Variants in DHX16 observed in about 807,000 individuals in gnomAD.
DHX16 encodes the protein pre-mRNA-splicing factor ATP-dependent RNA helicase DHX16.
Under a neutral mutation model 131.2 loss-of-function variants are expected in DHX16, and 81 were observed. The ratio of observed to expected loss-of-function variants is 0.62; its 90% CI spans 0.52 to 0.74. DHX16 has a LOEUF of 0.74. DHX16 is among the 30% of genes least tolerant of loss of function. The pLI is 0.00. For missense variants in DHX16, 980 were observed against 1,363.1 expected (o/e 0.72, Z 4.43); for synonymous variants, 440 against 520.2 (o/e 0.85, Z 2.10).
rs753436172 is a variant in DHX16 at position 30,655,286 on chromosome 6, C to G, written c.2712G>C (p.Gln904His). 2.3e-5 allele frequency: 37 copies of G among 1,614,222 alleles called. No individual in the cohort carries two copies. In the South Asian group the frequency reaches 4.1e-4, roughly 18 times the overall value. The change falls in exon 18 of 20, where the codon CAG (glutamine) becomes CAC (histidine). Residue 904 changes from glutamine to histidine, a missense_variant. Gln to His is a conservative substitution (Grantham distance 24). Coordinates refer to ENST00000376442, the MANE Select transcript of DHX16 (RefSeq NM_003587.5). ...SSQWCYENFV[Q>H]FRSMRRARDV... ...CCCGGGCTCGGCGCATCGATCTGAA[C>G]TGTACAAAGTTCTCATAGCACCACT...
At chr6:30,669,200 G>A (rs1173688299) in intron 4 of DHX16, among the ~76,000 whole-genome samples, 1 of 152,312 alleles carries the variant, frequency 6.6e-6, no homozygotes, top group South Asian at 2.1e-4. Context: ...AAGGCGGGCA[G>A]ATCACAAGGT....
intron 12 of DHX16, 22 bp from the exon 13 acceptor site, chr6:30,657,114 C>T (rs1481546547): frequency 6.3e-7 from 1 of 1,594,954 alleles, no homozygotes; most frequent in East Asian, 2.2e-5. Context: ...GATATGGGGT[C>T]ACCCAGTGAC....
In DHX16 at chr6:30,664,837, C is replaced by T; in HGVS notation, c.1281G>A (p.Gly427=). The change falls in exon 7 of 20, where the codon GGG becomes GGA. Residue 427 remains glycine (G), a synonymous_variant. Transcript: ENST00000376442. ...GATACTGCGGGATCTGGGTGGTCTT[C>T]CCTGAGCCTGTCTCGCCTTCAATGA... is the stretch of plus-strand genomic sequence containing the variant. ...VLIIEGETGS[G]KTTQIPQYLF... 6.2e-7 allele frequency: 1 copy of T among 1,613,010 alleles called. No homozygotes were observed. The highest frequency in any genetic ancestry group is 8.5e-7 in the Non-Finnish European group (1 of 1,180,020).
chr6:30,664,347 C>T (rs936129911), intron 7 of DHX16, among the ~76,000 whole-genome samples: 1 of 151,830 alleles, frequency 6.6e-6, no homozygotes, highest in Non-Finnish European at 1.5e-5. Context: ...TGTGGTGGCG[C>T]ATGCCTGTAA....
At chr6:30,672,512 T>A (rs1336354499) in intron 1 of DHX16, 123 bp downstream of exon 1, 1 of 891,172 alleles carries the variant, frequency 1.1e-6, no homozygotes. Flanking sequence ...GCTAGCACAG[T>A]ACCTACGCGA....
chr6:30,660,381 A>G, intron 9 of DHX16, 139 bp from the exon 10 acceptor site: 2 of 668,440 alleles, frequency 3.0e-6, no homozygotes. Flanking sequence ...TCTAAGGAGA[A>G]GTCAGCCATC....
chr6:30,655,631 C>T (rs535048173), intron 16 of DHX16, 34 bp from the exon 17 acceptor site: 1 of 1,610,866 alleles, frequency 6.2e-7, no homozygotes, highest in African/African-American at 1.3e-5. Flanking sequence ...GAGTTCAAAG[C>T]AAGACACATA....
intron 7 of DHX16, among the ~76,000 whole-genome samples, chr6:30,664,477 C>CAAAA (rs10627470): frequency 1.3e-5 from 1 of 75,664 alleles, no homozygotes; most frequent in East Asian, 3.5e-4. Context: ...ACTCCGTCTC[C>CAAAA]AAAAAAAAAA....
intron 4 of DHX16, among the ~76,000 whole-genome samples, chr6:30,668,691 C>T (rs2127593409): frequency 6.6e-6 from 1 of 152,064 alleles, no homozygotes; most frequent in East Asian, 1.9e-4. Context: ...AAAACAGTAA[C>T]ACCACTACCA....
rs1479117833 is a variant in DHX16 at position 30,664,804 on chromosome 6, C to T, written c.1314G>A (p.Glu438=). The T allele has an allele frequency of 1.6e-5, 26 of 1,612,168 alleles. No individual in the cohort carries two copies. Among genetic ancestry groups the T allele is most frequent in the Non-Finnish European group, 2.0e-5 (24 of 1,179,310 alleles). The stretch of plus-strand genomic sequence containing the variant: ...CTGAAGGGTGAGATGACTGTACCTC[C>T]TCAAAGAGATACTGCGGGATCTGGG... ...KTTQIPQYLF[E]EGYTNKGMKI... is the part of the protein sequence containing the mutation. Residue 438 remains glutamate (E), a synonymous_variant, in exon 7 of 20, where the codon GAG becomes GAA. Transcript: ENST00000376442.
In DHX16 at chr6:30,670,360, A is replaced by G. The variant is rs2092548527; in HGVS notation, c.666+50T>C. ...TCTCTCCCTATACACTCTATCAGAA[A>G]GTCTTTCCTTTTGTCTTCTGATCTT... On this transcript the variant is annotated intron_variant, in intron 4 of 19. Coordinates refer to ENST00000376442, the MANE Select transcript of DHX16 (RefSeq NM_003587.5). The surrounding 1 kb of genome is among the most constrained non-coding windows in gnomAD (Gnocchi z 4.4). 6.5e-7 allele frequency: 1 copy of G among 1,544,494 alleles called. No individual in the cohort carries two copies. The highest frequency in any genetic ancestry group is 1.2e-5 in the South Asian group (1 of 86,858).
intron 9 of DHX16, 84 bp from the exon 10 acceptor site, chr6:30,660,326 G>T: frequency 8.8e-7 from 1 of 1,136,222 alleles, no homozygotes; most frequent in Non-Finnish European, 1.2e-6. Context: ...TGAGAGGGGA[G>T]TAATGGACAC....
Position 30,662,341 on chromosome 6 carries a change from A to G in DHX16, c.1544+286T>C, listed in dbSNP as rs1410352410. ...AGGATGCTTCCTGTTTCTCCCTCTGAGCTGAGCATTCCAAGTGTTTTCAAA... is the reference window on the plus strand; with the variant it reads ...AGGATGCTTCCTGTTTCTCCCTCTGGGCTGAGCATTCCAAGTGTTTTCAAA... On this transcript the variant is annotated intron_variant, in intron 9 of 19. Coordinates refer to ENST00000376442, the MANE Select transcript of DHX16 (RefSeq NM_003587.5). The surrounding 1 kb of genome is among the most constrained non-coding windows in gnomAD (Gnocchi z 4.7). 1.3e-5 allele frequency among the ~76,000 whole-genome samples: 2 copies of G among 152,206 alleles called. No individual in the cohort carries two copies. Among genetic ancestry groups the G allele is most frequent in the African/African-American group, 4.8e-5 (2 of 41,456 alleles).
intron 1 of DHX16, among the ~76,000 whole-genome samples, 196 bp downstream of exon 1, chr6:30,672,439 T>C (rs902100096): frequency 1.3e-5 from 2 of 152,132 alleles, no homozygotes; most frequent in African/African-American, 2.4e-5. Context: ...CACCGTTCTA[T>C]TGCGCTTAAC....
chr6:30,657,719 G>A (rs952834805), intron 12 of DHX16, among the ~76,000 whole-genome samples: 3 of 151,976 alleles, frequency 2.0e-5, no homozygotes, highest in African/African-American at 4.8e-5. Context: ...CCTCTGTCTG[G>A]CATACTCTTC....
chr6:30,670,518 T>C lies in DHX16; in HGVS notation c.610-52A>G. On this transcript the variant is annotated intron_variant, in intron 3 of 19. Coordinates refer to ENST00000376442, the MANE Select transcript of DHX16 (RefSeq NM_003587.5). The surrounding 1 kb of genome is among the most constrained non-coding windows in gnomAD (Gnocchi z 4.4). ...GTGTGAGGCCAAAGAGCCCCCACAC[T>C]GACAGCTGCTCCCCTCTAGAATCAC... 1.3e-6 allele frequency: 2 copies of C among 1,556,108 alleles called. No homozygotes were observed. Among genetic ancestry groups the C allele is most frequent in the Non-Finnish European group, 1.8e-6 (2 of 1,135,872 alleles).
rs377371241 is a variant in DHX16, at chr6:30,669,062, G to A, written c.666+1348C>T. Among the ~76,000 whole-genome samples, 846 of 151,248 alleles carry A rather than the reference G, an allele frequency of 5.6e-3. 12 individuals are homozygous for A. Among genetic ancestry groups the A allele is most frequent in the South Asian group, 0.052 (250 of 4,766 alleles). ...GGAAGTTGCAGTGAGCCAAGATCAC[G>A]CCACTGCACTTCAGCCTGAGCAACA... On this transcript the variant is annotated intron_variant, in intron 4 of 19. Coordinates refer to ENST00000376442, the MANE Select transcript of DHX16 (RefSeq NM_003587.5).
chr6:30,656,584 G>A lies in DHX16; in HGVS notation c.2311+13C>T, dbSNP rs1417795338. ...CTCCAGCCCCTCCCTCCTCTCTCAGGTAGCCCAATCACCTAAGCTCTTGAG... is the reference window on the plus strand; with the variant it reads ...CTCCAGCCCCTCCCTCCTCTCTCAGATAGCCCAATCACCTAAGCTCTTGAG... On this transcript the variant is annotated intron_variant, in intron 14 of 19. Coordinates refer to ENST00000376442, the MANE Select transcript of DHX16 (RefSeq NM_003587.5). The surrounding 1 kb of genome is among the most constrained non-coding windows in gnomAD (Gnocchi z 5.1). The A allele has an allele frequency of 1.4e-5, 23 of 1,613,998 alleles. No individual in the cohort carries two copies. The highest frequency in any genetic ancestry group is 1.9e-5 in the Non-Finnish European group (22 of 1,180,032).
In DHX16 at chr6:30,656,156, C is replaced by T; in HGVS notation, c.2498+42G>A. On this transcript the variant is annotated intron_variant, in intron 16 of 19. Transcript: ENST00000376442. The surrounding 1 kb of genome is among the most constrained non-coding windows in gnomAD (Gnocchi z 5.1). ...GACCCTGGAGACAGAGGAGGCCTGG[C>T]CTGTTTGTGTGCTGGGGGCCCAGGT... The T allele has an allele frequency of 6.3e-7, 1 of 1,595,908 alleles. No homozygotes were observed. Among genetic ancestry groups the T allele is most frequent in the Non-Finnish European group, 8.6e-7 (1 of 1,167,216 alleles).
Sources: allele counts gnomAD v4.1 joint callset (sites outside exome capture counted in the v4.1 genomes callset), GRCh38; gene constraint gnomAD v4.1.1; non-coding constraint Gnocchi (gnomAD v3.1); transcripts MANE v1.5; gene names NCBI Gene and HGNC (gene_info 2026-07-23, HGNC 2026-07-21).